The following NHSL1 variants were observed in gnomAD, a reference collection of about 807,000 sequenced individuals.
The protein encoded by NHSL1 is NHS-like protein 1.
In NHSL1, 48 loss-of-function variants were observed where a neutral mutation model predicts 95.0. The observed-to-expected ratio is 0.51, with a 90% CI of 0.40 to 0.64. The LOEUF (loss-of-function observed/expected upper bound fraction) is 0.64. NHSL1 is among the 30% of genes least tolerant of loss of function. The pLI is 0.00. For synonymous variants in NHSL1, 783 were observed against 833.9 expected, an observed-to-expected ratio of 0.94 and a Z score of 1.05; for missense variants, 1,971 against 2,077.7, an observed-to-expected ratio of 0.95 and a Z score of 1.00.
chr6:138,684,399 G>A (rs1367566631), intron 1 of NHSL1, among the ~76,000 whole-genome samples: 1 of 152,046 alleles, frequency 6.6e-6, no homozygotes, highest in Non-Finnish European at 1.5e-5. Flanking sequence ...TGTAATCCCA[G>A]CACTTTGGGA....
chr6:138,671,112 G>A (rs1583474419), intron 1 of NHSL1, among the ~76,000 whole-genome samples: 2 of 152,066 alleles, frequency 1.3e-5, no homozygotes, highest in African/African-American at 2.4e-5. Flanking sequence ...CTATGAACAC[G>A]CCACTACACT....
At chr6:138,597,640 G>C (rs2114547320) in intron 1 of NHSL1, among the ~76,000 whole-genome samples, 1 of 152,268 alleles carries the variant, frequency 6.6e-6, no homozygotes, top group South Asian at 2.1e-4. Flanking sequence ...TGAGTCACTA[G>C]CTTTTCATCA....
rs1374793777 is a variant in NHSL1, at chr6:138,433,127, T to G, written c.1218A>C (p.Ala406=). The G allele has an allele frequency of 1.3e-6, 2 of 1,550,980 alleles. No individual in the cohort carries two copies. Among genetic ancestry groups the G allele is most frequent in the East Asian group, 4.9e-5 (2 of 40,890 alleles). ...MSPACVVSPH[A]TYSTSIIPNA... is the part of the protein sequence containing the mutation. Reference sequence around the variant, plus strand: ...TTGGGATGATGCTGGTGGAGTAGGTTGCATGAGGAGAAACCACACACGCTG... The same window carrying G: ...TTGGGATGATGCTGGTGGAGTAGGTGGCATGAGGAGAAACCACACACGCTG... The change falls in exon 6 of 8, where the codon GCA becomes GCC. Residue 406 remains alanine (A), a synonymous_variant. Coordinates refer to ENST00000343505, the MANE Select transcript of NHSL1 (RefSeq NM_001144060.2).
At chr6:138,667,510 T>C (rs1450549078) in intron 1 of NHSL1, among the ~76,000 whole-genome samples, 1 of 152,220 alleles carries the variant, frequency 6.6e-6, no homozygotes, top group Admixed American at 6.5e-5. Context: ...CAGCATTACA[T>C]AATTTCTCTA....
intron 1 of NHSL1, among the ~76,000 whole-genome samples, chr6:138,653,526 C>T (rs1371011531): frequency 6.6e-6 from 1 of 152,038 alleles, no homozygotes; most frequent in East Asian, 1.9e-4. Flanking sequence ...CGCACCACCA[C>T]ACTCCAGCCT....
intron 1 of NHSL1, among the ~76,000 whole-genome samples, chr6:138,584,506 A>G (rs1784104899): frequency 6.6e-6 from 1 of 152,190 alleles, no homozygotes; most frequent in Non-Finnish European, 1.5e-5. Context: ...GGGGAATCCA[A>G]TTTCATAATG....
intron 1 of NHSL1, among the ~76,000 whole-genome samples, chr6:138,517,736 C>T (rs1781513489): frequency 6.6e-6 from 1 of 152,206 alleles, no homozygotes; most frequent in Non-Finnish European, 1.5e-5. Flanking sequence ...CAGTGAAACA[C>T]TGCTGCTGTT....
chr6:138,621,805 A>C (rs1279619483), intron 1 of NHSL1, among the ~76,000 whole-genome samples: 1 of 152,228 alleles, frequency 6.6e-6, no homozygotes, highest in East Asian at 1.9e-4. Context: ...GTCTGTACAA[A>C]ACCCAGAGTA....
rs150273402 is a variant in NHSL1, at chr6:138,471,759, C to T, written c.339+1547G>A. ...AGAGTGTAAATTTCAAATGTCTTGCCGTAAAAAAAAAGGTAAGCACAGTGA... is the reference window on the plus strand; with the variant it reads ...AGAGTGTAAATTTCAAATGTCTTGCTGTAAAAAAAAAGGTAAGCACAGTGA... On this transcript the variant is annotated intron_variant, in intron 3 of 7. Transcript: ENST00000343505. Among the ~76,000 whole-genome samples, 14 of 150,532 alleles carry T rather than the reference C, an allele frequency of 9.3e-5. No individual in the cohort carries two copies. In the East Asian group the frequency reaches 9.7e-4, roughly 10 times the overall value.
chr6:138,573,453 A>T (rs1783910345), upstream of NHSL1, among the ~76,000 whole-genome samples: 2 of 152,220 alleles, frequency 1.3e-5, no homozygotes, highest in African/African-American at 4.8e-5. Flanking sequence ...AACAAACTGC[A>T]ATAGAAAATA....
chr6:138,489,761 CAA>C (rs771589265), intron 2 of NHSL1, among the ~76,000 whole-genome samples: 1 of 49,834 alleles, frequency 2.0e-5, no homozygotes, highest in Non-Finnish European at 3.9e-5. Flanking sequence ...GACCCTGTCT[CAA>C]AAAAAAAAAA....
chr6:138,536,677 C>T lies in NHSL1; in HGVS notation c.16+8946G>A, dbSNP rs368641232. ...ATGTGCAGAACGTGCAGGTTTGTTA[C>T]GTAGGTATACATGTGCCATGGTGGG... On this transcript the variant is annotated intron_variant, in intron 1 of 4. Coordinates refer to the NHSL1 transcript ENST00000342260. Among the ~76,000 whole-genome samples the T allele has an allele frequency of 3.4e-4, 41 of 122,374 alleles. 1 individual carries two copies. The South Asian group carries it at 0.011, about 32-fold the overall frequency. 80.3% of individuals were successfully genotyped at this position (122,374 alleles called of 152,430 possible).
At chr6:138,545,668 T>A (rs1161400403) in exon 1 of NHSL1, 5 of 1,289,290 alleles carry the variant, frequency 3.9e-6, no homozygotes, top group Non-Finnish European at 5.1e-6. Context: ...GGGGCTGTGC[T>A]CTGTGGTCTG....
intron 1 of NHSL1, among the ~76,000 whole-genome samples, chr6:138,594,638 C>A (rs1483915081): frequency 6.6e-6 from 1 of 151,898 alleles, no homozygotes; most frequent in Non-Finnish European, 1.5e-5. Flanking sequence ...AGCTGAAAAC[C>A]ACTCTTCTGC....
intron 1 of NHSL1, among the ~76,000 whole-genome samples, chr6:138,515,511 G>A (rs9495104): frequency 0.011 from 1,619 of 152,236 alleles, 29 homozygotes; most frequent in African/African-American, 0.037. Flanking sequence ...TGGCTTATCC[G>A]CTCCATAATT....
intron 5 of NHSL1, among the ~76,000 whole-genome samples, chr6:138,433,902 C>T (rs1360532106): frequency 1.3e-5 from 2 of 152,060 alleles, no homozygotes; most frequent in African/African-American, 2.4e-5. Context: ...ACCTCCAATC[C>T]TCCTATGGCT....
chr6:138,580,844 A>AT (rs1784042500), intron 1 of NHSL1, among the ~76,000 whole-genome samples: 1 of 152,224 alleles, frequency 6.6e-6, no homozygotes, highest in Non-Finnish European at 1.5e-5. Context: ...GGATCTGGAG[A>AT]TGTAGACTAT....
chr6:138,537,927 G>GA lies in NHSL1; in HGVS notation c.16+7695dup, dbSNP rs140704723. On this transcript the variant is annotated intron_variant, in intron 1 of 4. Transcript: ENST00000342260. The stretch of plus-strand genomic sequence containing the variant: ...GCGAGAAGTCCAGAGCATCAGACAG[G>GA]AAGAGTTTCCTGGGGGTAGGAACAG... 1.9e-3 allele frequency among the ~76,000 whole-genome samples: 294 copies of GA among 152,250 alleles called. 6 individuals carry two copies. The East Asian group carries it at 0.054, about 28-fold the overall frequency.
At chr6:138,596,647 G>T (rs79732647) in intron 1 of NHSL1, among the ~76,000 whole-genome samples, 1 of 152,038 alleles carries the variant, frequency 6.6e-6, no homozygotes, top group South Asian at 2.1e-4. Flanking sequence ...CAGCAGCGCC[G>T]CAAAAGGACA....
Sources: allele counts gnomAD v4.1 joint callset (sites outside exome capture counted in the v4.1 genomes callset), GRCh38; gene constraint gnomAD v4.1.1; transcripts MANE v1.5; gene names NCBI Gene and HGNC (gene_info 2026-07-23, HGNC 2026-07-21).